Variants in NECAB2 observed in about 807,000 individuals in gnomAD.
The protein encoded by NECAB2 is N-terminal EF-hand calcium-binding protein 2.
A neutral mutation model predicts 51.9 loss-of-function variants in NECAB2; 68 were observed. That is an observed-to-expected ratio of 1.31 (90% CI 1.08 to 1.60). The LOEUF is 1.60. Among genes scored for constraint, NECAB2 ranks in the 40% most tolerant of loss-of-function variants. The probability of loss-of-function intolerance (pLI) is 0.00; values close to 1 mark genes in which losing one functional copy is unlikely to be tolerated. For synonymous variants in NECAB2, 329 were observed against 203.5 expected, an observed-to-expected ratio of 1.62 and a Z score of -5.25; for missense variants, 854 against 490.3, an observed-to-expected ratio of 1.74 and a Z score of -7.00.
At chr16:83,973,238 A>C (rs2084368252) in intron 2 of NECAB2, among the ~76,000 whole-genome samples, 1 of 152,200 alleles carries the variant, frequency 6.6e-6, no homozygotes, top group South Asian at 2.1e-4. Flanking sequence ...TCTCCTGCAC[A>C]AGCTGCAGTT....
intron 2 of NECAB2, among the ~76,000 whole-genome samples, chr16:83,975,861 G>A (rs535943694): frequency 2.4e-4 from 37 of 152,260 alleles, no homozygotes; most frequent in African/African-American, 8.2e-4. Flanking sequence ...GTGCCAGCGC[G>A]GGCCCGCTTG....
At chr16:83,989,477 A>C (rs1293938722) in intron 5 of NECAB2, among the ~76,000 whole-genome samples, 4 of 152,134 alleles carry the variant, frequency 2.6e-5, no homozygotes, top group African/African-American at 9.7e-5. Flanking sequence ...TGGATGGTTT[A>C]ATTTGCTTTC....
intron 8 of NECAB2, among the ~76,000 whole-genome samples, chr16:83,994,926 A>G (rs9937660): frequency 0.18 from 27,985 of 152,152 alleles, 4,412 homozygotes; most frequent in African/African-American, 0.43. Context: ...TTGGGGGGTC[A>G]GGCGGGCCTG....
intron 10 of NECAB2, among the ~76,000 whole-genome samples, 156 bp from the exon 11 acceptor site, chr16:84,000,568 G>A (rs1433209347): frequency 6.6e-6 from 1 of 152,158 alleles, no homozygotes; most frequent in East Asian, 1.9e-4. Flanking sequence ...CTGTGCTGGG[G>A]TCACCCTGTC....
At chr16:83,991,108 G>C (rs762310619) in intron 6 of NECAB2, among the ~76,000 whole-genome samples, 1 of 151,618 alleles carries the variant, frequency 6.6e-6, no homozygotes, top group Non-Finnish European at 1.5e-5. Flanking sequence ...TCAGCCTCCT[G>C]AGTGGCTGGG....
At chr16:83,966,003 C>G (rs972754564), upstream of NECAB2, 1 of 1,559,038 alleles carries the variant, frequency 6.4e-7, no homozygotes, top group Non-Finnish European at 8.7e-7. Context: ...AGGAAGCCAC[C>G]CTAACACTCG....
At chr16:83,977,196 G>GA (rs2084421986) in intron 2 of NECAB2, among the ~76,000 whole-genome samples, 1 of 152,212 alleles carries the variant, frequency 6.6e-6, no homozygotes, top group African/African-American at 2.4e-5. Flanking sequence ...AATGCCAGGG[G>GA]TTTATGCAGA....
chr16:83,997,069 C>T lies in NECAB2; in HGVS notation c.796-147C>T, dbSNP rs140538592. On this transcript the variant is annotated intron_variant, in intron 8 of 12. Coordinates refer to ENST00000305202, the MANE Select transcript of NECAB2 (RefSeq NM_019065.3). ...CCCTGTAGGCCAGAGGGAGTCTCTG[C>T]CACTTCCTAGCGTTGGTCTCCCAGC... is the stretch of plus-strand genomic sequence containing the variant. 5.8e-5 allele frequency: 46 copies of T among 793,136 alleles called. 1 individual carries two copies. The East Asian group carries it at 1.1e-3, about 20-fold the overall frequency. 49.1% of individuals were successfully genotyped at this position (793,136 alleles called of 1,614,324 possible).
chr16:83,990,544 G>T lies in NECAB2; in HGVS notation c.510G>T (p.Leu170=). Residue 170 remains leucine, a synonymous_variant, in exon 6 of 13, where the codon CTG becomes CTT. Transcript: ENST00000305202. ...ACCAGTTTGTGACCCGCTTCCTCCTGAAGGAGACGGCCAATCAGATCCAGT... is the reference window on the plus strand; with the variant it reads ...ACCAGTTTGTGACCCGCTTCCTCCTTAAGGAGACGGCCAATCAGATCCAGT... ...NVDQFVTRFL[L]KETANQIQSL... is the part of the protein sequence containing the mutation. 1 of 1,614,168 alleles carries T rather than the reference G, an allele frequency of 6.2e-7. No individual in the cohort carries two copies. The highest frequency in any genetic ancestry group is 1.1e-5 in the South Asian group (1 of 91,090).
rs1050979229 is a variant in NECAB2 at position 83,979,907 on chromosome 16, A to G, written c.336-932A>G. Among the ~76,000 whole-genome samples, 3 of 152,334 alleles carry G rather than the reference A, an allele frequency of 2.0e-5. No homozygotes were observed. The South Asian group carries it at 6.2e-4, about 32-fold the overall frequency. The stretch of plus-strand genomic sequence containing the variant: ...TTGTGCCCAAAACAGTGTACAAACC[A>G]TCAAAAAGTTTTGTGAAACATGAAT... On this transcript the variant is annotated intron_variant, in intron 3 of 12. Coordinates refer to ENST00000305202, the MANE Select transcript of NECAB2 (RefSeq NM_019065.3).
intron 2 of NECAB2, among the ~76,000 whole-genome samples, chr16:83,973,539 G>T (rs989772049): frequency 6.6e-6 from 1 of 152,200 alleles, no homozygotes; most frequent in East Asian, 1.9e-4. Context: ...AGATGAAGTG[G>T]CTCTGGAAAA....
chr16:83,972,056 T>C, intron 1 of NECAB2, 95 bp from the exon 2 acceptor site: 1 of 1,552,286 alleles, frequency 6.4e-7, no homozygotes, highest in Non-Finnish European at 8.8e-7. Flanking sequence ...AAGCTGCTCC[T>C]GGGAGAAGAG....
chr16:84,002,253 C>T, intron 12 of NECAB2, 65 bp from the exon 13 acceptor site: 7 of 1,576,596 alleles, frequency 4.4e-6, no homozygotes, highest in Non-Finnish European at 6.1e-6. Context: ...TCAAGACGAC[C>T]ACCACCAGCT....
chr16:83,988,507 A>C (rs2084582457), intron 5 of NECAB2, among the ~76,000 whole-genome samples: 1 of 152,168 alleles, frequency 6.6e-6, no homozygotes, highest in Non-Finnish European at 1.5e-5. Flanking sequence ...ATATAGTTGA[A>C]ATTAAACCAT....
chr16:83,987,444 C>T (rs779144918), intron 5 of NECAB2, among the ~76,000 whole-genome samples: 21 of 152,196 alleles, frequency 1.4e-4, no homozygotes, highest in East Asian at 1.2e-3. Flanking sequence ...TATAATGGTA[C>T]GTAGTTGATA....
At chr16:83,998,350 T>C (rs560357991) in intron 10 of NECAB2, 33 bp downstream of exon 10, 6 of 1,600,614 alleles carry the variant, frequency 3.7e-6, no homozygotes, top group Non-Finnish European at 5.1e-6. Context: ...GGTGGGATGG[T>C]GGCAGGGAGC....
rs2084718584 is a variant in NECAB2, at chr16:83,997,235, A to G, written c.815A>G (p.Gln272Arg). Residue 272 changes from glutamine to arginine, a missense_variant, in exon 9 of 13, where the codon CAG (glutamine) becomes CGG (arginine). By Grantham distance (43) the Gln-to-Arg change is conservative. Transcript: ENST00000305202. ...LESKALWFDL[Q>R]QRLSDEDGTN... ...TTTCAGGCACTGTGGTTCGACCTGC[A>G]GCAGCGCCTGTCAGATGAAGATGGC... 3 of 1,614,036 alleles carry G rather than the reference A, an allele frequency of 1.9e-6. No individual in the cohort carries two copies. Among genetic ancestry groups the G allele is most frequent in the Non-Finnish European group, 2.5e-6 (3 of 1,180,042 alleles).
At chr16:83,998,943 A>C (rs1048964836) in intron 10 of NECAB2, among the ~76,000 whole-genome samples, 4 of 152,146 alleles carry the variant, frequency 2.6e-5, no homozygotes, top group Admixed American at 6.5e-5. Flanking sequence ...TGCAGAAGAC[A>C]ACAGCCCTTT....
In NECAB2 at chr16:84,002,286, T is replaced by G. The variant is rs200173737; in HGVS notation, c.1133-32T>G. ...GCTACGAGGCTGCCCACATTCGCAC[T>G]CCTTCCCTCTAACGTGTCTCTCTCC... On this transcript the variant is annotated intron_variant, in intron 12 of 12. Transcript: ENST00000305202. 1,359 of 1,613,202 alleles carry G rather than the reference T, an allele frequency of 8.4e-4. 9 individuals are homozygous for G. Among genetic ancestry groups the G allele is most frequent in the Non-Finnish European group, 4.8e-4 (562 of 1,179,356 alleles).
Sources: allele counts gnomAD v4.1 joint callset (sites outside exome capture counted in the v4.1 genomes callset), GRCh38; gene constraint gnomAD v4.1.1; transcripts MANE v1.5; gene names NCBI Gene and HGNC (gene_info 2026-07-23, HGNC 2026-07-21).